The following STXBP3 variants were observed in gnomAD, a reference collection of about 807,000 sequenced individuals.
STXBP3 encodes syntaxin binding protein 3.
A neutral mutation model predicts 85.7 loss-of-function variants in STXBP3; 41 were observed. That is an observed-to-expected ratio of 0.48 (90% confidence interval 0.37 to 0.62). STXBP3 has a LOEUF of 0.62. Among genes scored for constraint, STXBP3 ranks in the 20% least tolerant of loss-of-function variants. STXBP3 has a pLI of 0.00. For synonymous variants in STXBP3, 229 were observed against 231.7 expected (o/e 0.99, Z 0.10); for missense variants, 563 against 703.1 (o/e 0.80, Z 2.25).
Position 108,795,208 on chromosome 1 carries a change from C to T in STXBP3, c.1110+301C>T, listed in dbSNP as rs889484440. ...CATTATTGGCAGGACCTTCTCAGTA[C>T]GGGATTTAATATAGCATCCAGCAGA... On this transcript the variant is annotated intron_variant, in intron 13 of 18. Transcript: ENST00000370008. 1.4e-4 allele frequency among the ~76,000 whole-genome samples: 22 copies of T among 152,146 alleles called. No homozygotes were observed. In the South Asian group the frequency reaches 3.3e-3, roughly 23 times the overall value.
At chr1:108,769,788 C>G (rs1157769197) in intron 6 of STXBP3, among the ~76,000 whole-genome samples, 1 of 152,094 alleles carries the variant, frequency 6.6e-6, no homozygotes, top group East Asian at 1.9e-4. Context: ...GTAGGAACCC[C>G]CCAGATCTCA....
At chr1:108,752,974 A>G in intron 2 of STXBP3, 89 bp from the exon 3 acceptor site, 1 of 935,054 alleles carries the variant, frequency 1.1e-6, no homozygotes, top group Non-Finnish European at 1.5e-6. Flanking sequence ...GTGTTATAAA[A>G]GGCTTATAAA....
chr1:108,767,016 A>G (rs1662277383), intron 6 of STXBP3: 1 of 471,144 alleles, frequency 2.1e-6, no homozygotes, highest in Non-Finnish European at 4.3e-6. Context: ...ACTTTCTAAC[A>G]TGTCACCAAC....
At chr1:108,792,444 G>C (rs1249820404) in intron 11 of STXBP3, among the ~76,000 whole-genome samples, 1 of 152,166 alleles carries the variant, frequency 6.6e-6, no homozygotes, top group Non-Finnish European at 1.5e-5. Context: ...TGCATACAGT[G>C]TGTAATGATC....
rs372557902 is a variant in STXBP3 at position 108,771,932 on chromosome 1, G to A, written c.439-733G>A. On this transcript the variant is annotated intron_variant, in intron 6 of 18. Transcript: ENST00000370008. ...ATATAAATACATATGATATCTATCT[G>A]TATCATATATAAATACATATGATAT... Among the ~76,000 whole-genome samples, 107 of 25,610 alleles carry A rather than the reference G, an allele frequency of 4.2e-3. 28 individuals are homozygous for A. Among genetic ancestry groups the A allele is most frequent in the East Asian group, 0.02 (9 of 444 alleles). 16.8% of individuals were successfully genotyped at this position (25,610 alleles called of 152,430 possible). A position where few individuals can be genotyped will look rare whatever the true frequency, so the allele number is the denominator to read the frequency against.
chr1:108,790,556 A>G (rs1221174356), intron 11 of STXBP3, among the ~76,000 whole-genome samples: 1 of 151,846 alleles, frequency 6.6e-6, no homozygotes, highest in Non-Finnish European at 1.5e-5. Flanking sequence ...TGTTTAGTTC[A>G]TATATATTTC....
intron 16 of STXBP3, among the ~76,000 whole-genome samples, chr1:108,798,455 AC>A (rs1663163756): frequency 7.4e-6 from 1 of 135,022 alleles, no homozygotes; most frequent in Admixed American, 8.7e-5. Context: ...TCACTCTATC[AC>A]CCAGGCTGGA....
chr1:108,773,218 T>TA (rs1380783199), intron 7 of STXBP3, among the ~76,000 whole-genome samples: 1 of 152,190 alleles, frequency 6.6e-6, no homozygotes, highest in Non-Finnish European at 1.5e-5. Context: ...CTATTCTAAA[T>TA]AAATTTTGGG....
chr1:108,749,407 A>G (rs911976940), intron 1 of STXBP3, among the ~76,000 whole-genome samples: 1 of 152,186 alleles, frequency 6.6e-6, no homozygotes, highest in Non-Finnish European at 1.5e-5. Context: ...GATTAATATG[A>G]TAGATGAAAC....
At chr1:108,764,419 C>T (rs1439151896) in intron 6 of STXBP3, among the ~76,000 whole-genome samples, 2 of 152,196 alleles carry the variant, frequency 1.3e-5, no homozygotes, top group Middle Eastern at 3.4e-3. Flanking sequence ...CCTAGTAATG[C>T]GATTGCTGGG....
chr1:108,777,896 T>G (rs1662622784), intron 8 of STXBP3, among the ~76,000 whole-genome samples: 1 of 152,176 alleles, frequency 6.6e-6, no homozygotes, highest in South Asian at 2.1e-4. Flanking sequence ...GATTCATAGC[T>G]CATATTTTTG....
intron 1 of STXBP3, among the ~76,000 whole-genome samples, chr1:108,749,948 T>A (rs1462837835): frequency 1.3e-5 from 2 of 152,210 alleles, no homozygotes; most frequent in Non-Finnish European, 1.5e-5. Flanking sequence ...CCTTTTTTTG[T>A]GCTAAGGTTT....
In STXBP3 at chr1:108,772,210, C is replaced by CTA. The variant is rs1329712407; in HGVS notation, c.439-454_439-453insAT. Among the ~76,000 whole-genome samples, 16 of 51,364 alleles carry CTA rather than the reference C, an allele frequency of 3.1e-4. 1 individual carries two copies. The highest frequency in any genetic ancestry group is 9.3e-4 in the Admixed American group (6 of 6,470). 33.7% of individuals were successfully genotyped at this position (51,364 alleles called of 152,430 possible). ...TCATATATAAATACATGATATCTAT[C>CTA]TGTATCATATATAAATACATGATAT... On this transcript the variant is annotated intron_variant, in intron 6 of 18. Transcript: ENST00000370008.
chr1:108,747,096 C>A (rs955639493), intron 1 of STXBP3, among the ~76,000 whole-genome samples: 2 of 152,162 alleles, frequency 1.3e-5, no homozygotes, highest in African/African-American at 4.8e-5. Context: ...CCGCGGAGCC[C>A]GTGCGTGCCC....
chr1:108,777,385 T>C (rs1444058055), intron 8 of STXBP3, among the ~76,000 whole-genome samples: 3 of 151,990 alleles, frequency 2.0e-5, no homozygotes, highest in Non-Finnish European at 2.9e-5. Context: ...ATTCTTCAGG[T>C]AGAGGCAATA....
At chr1:108,798,714 G>A (rs1416086207) in intron 16 of STXBP3, among the ~76,000 whole-genome samples, 1 of 151,982 alleles carries the variant, frequency 6.6e-6, no homozygotes, top group Non-Finnish European at 1.5e-5. Flanking sequence ...GCGCCCGGCT[G>A]AAGATTCTTT....
At chr1:108,775,387 A>T (rs931536168) in intron 7 of STXBP3, among the ~76,000 whole-genome samples, 1 of 152,076 alleles carries the variant, frequency 6.6e-6, no homozygotes, top group Non-Finnish European at 1.5e-5. Context: ...GGTAAACGGG[A>T]TATCTATCAC....
intron 1 of STXBP3, among the ~76,000 whole-genome samples, chr1:108,747,118 C>CCCCACTCCTCCGCTCCCGTCCGCGCTG (rs1661804970): frequency 6.6e-6 from 1 of 152,144 alleles, no homozygotes; most frequent in African/African-American, 2.4e-5. Context: ...CGGCCGCGCT[C>CCCCACTCCTCCGCTCCCGTCCGCGCTG]CCCACTCTTC....
intron 11 of STXBP3, among the ~76,000 whole-genome samples, chr1:108,785,847 C>G (rs1662814975): frequency 2.6e-5 from 4 of 152,212 alleles, no homozygotes; most frequent in Non-Finnish European, 4.4e-5. Flanking sequence ...CACCTTTGCT[C>G]TAGTTCCCAA....
Sources: gnomAD v4.1 joint callset for allele counts (sites outside exome capture counted in the v4.1 genomes callset) on GRCh38, gnomAD v4.1.1 for gene constraint, MANE v1.5 for transcripts, NCBI Gene and HGNC (gene_info 2026-07-23, HGNC 2026-07-21) for gene names.